FYN: variants seen among roughly 807,000 people sequenced by gnomAD.
The protein encoded by FYN is FYN proto-oncogene, Src family tyrosine kinase.
A neutral mutation model predicts 70.2 loss-of-function variants in FYN; 10 were observed. The ratio of observed to expected loss-of-function variants is 0.14; its 90% CI spans 0.09 to 0.24. The LOEUF is 0.24. Among genes scored for constraint, FYN ranks in the 10% least tolerant of loss-of-function variants. The pLI is 1.00. For synonymous variants in FYN, 236 were observed against 248.6 expected, an observed-to-expected ratio of 0.95 and a Z score of 0.48; for missense variants, 319 against 673.1, an observed-to-expected ratio of 0.47 and a Z score of 5.82.
At chr6:111,717,356 C>T (rs952022918) in intron 4 of FYN, among the ~76,000 whole-genome samples, 3 of 152,120 alleles carry the variant, frequency 2.0e-5, no homozygotes, top group Admixed American at 1.3e-4. Flanking sequence ...ATTTGTTATA[C>T]AGCAGTTGAT....
At position 111,665,853 on chromosome 6, in the gene FYN, C is replaced by T. The variant is rs369890237; in HGVS notation, c.1406-3906G>A. On this transcript the variant is annotated intron_variant, in intron 13 of 13. Coordinates refer to ENST00000354650, the MANE Select transcript of FYN (RefSeq NM_002037.5). Reference sequence around the variant, plus strand: ...GGCCAGGCTGGTCTTGAATTCTTGGCTTCAAGTGATCTGCCCACCTCGGCC... The same window carrying T: ...GGCCAGGCTGGTCTTGAATTCTTGGTTTCAAGTGATCTGCCCACCTCGGCC... Among the ~76,000 whole-genome samples the T allele has an allele frequency of 1.7e-3, 264 of 152,110 alleles. 1 individual carries two copies. Among genetic ancestry groups the T allele is most frequent in the African/African-American group, 6.0e-3 (248 of 41,514 alleles).
chr6:111,720,308 C>G (rs2128462290), intron 3 of FYN, among the ~76,000 whole-genome samples: 1 of 152,266 alleles, frequency 6.6e-6, no homozygotes, highest in East Asian at 1.9e-4. Context: ...GTTCACCATG[C>G]AGCAACTTTC....
intron 8 of FYN, among the ~76,000 whole-genome samples, chr6:111,702,017 T>C (rs1799862818): frequency 6.6e-6 from 1 of 152,196 alleles, no homozygotes; most frequent in Non-Finnish European, 1.5e-5. Context: ...TATACTATTT[T>C]TGAGTCTTGC....
intron 3 of FYN, among the ~76,000 whole-genome samples, chr6:111,724,929 T>G (rs1801126725): frequency 1.3e-5 from 2 of 152,032 alleles, no homozygotes; most frequent in African/African-American, 4.8e-5. Flanking sequence ...GCAACTGAGA[T>G]GGGGGCAGTT....
intron 2 of FYN, among the ~76,000 whole-genome samples, chr6:111,800,356 C>T (rs142532170): frequency 6.0e-4 from 91 of 152,050 alleles, no homozygotes; most frequent in African/African-American, 2.0e-3. Flanking sequence ...AGGAAGGATC[C>T]GGGGGATGGG....
Position 111,768,673 on chromosome 6 carries a change from T to C in FYN, c.-12+11893A>G, listed in dbSNP as rs1055397713. On this transcript the variant is annotated intron_variant, in intron 3 of 13. Coordinates refer to ENST00000354650, the MANE Select transcript of FYN (RefSeq NM_002037.5). Reference sequence around the variant, plus strand: ...GGTCAAGAGTCCCTGAAGCAGATGATGCTCTGCCACTATATTTTATATTTC... The same window carrying C: ...GGTCAAGAGTCCCTGAAGCAGATGACGCTCTGCCACTATATTTTATATTTC... 4.6e-5 allele frequency among the ~76,000 whole-genome samples: 7 copies of C among 152,346 alleles called. No homozygotes were observed. The South Asian group carries it at 6.2e-4, about 14-fold the overall frequency.
intron 3 of FYN, among the ~76,000 whole-genome samples, chr6:111,735,116 A>G (rs1801651798): frequency 6.6e-6 from 1 of 152,218 alleles, no homozygotes; most frequent in Admixed American, 6.5e-5. Context: ...GAGGTGTGGA[A>G]CACCATGATA....
chr6:111,873,095 G>C lies in FYN; in HGVS notation c.-250C>G, dbSNP rs1489562533. ...CCGGTGGGCCTTCCGAGAGCACCGAGGGGGCGGCGCCGGGGTGTCCCCGGC... is the reference window on the plus strand; with the variant it reads ...CCGGTGGGCCTTCCGAGAGCACCGACGGGGCGGCGCCGGGGTGTCCCCGGC... On this transcript the variant is annotated 5_prime_UTR_variant, in exon 1 of 14. Coordinates refer to ENST00000354650, the MANE Select transcript of FYN (RefSeq NM_002037.5). 4 of 147,414 alleles carry C rather than the reference G, an allele frequency of 2.7e-5. No individual in the cohort carries two copies. Among genetic ancestry groups the C allele is most frequent in the African/African-American group, 4.9e-5 (2 of 40,666 alleles). The allele number at this position is 147,414 out of a possible 1,614,324, so 9.1% of individuals were successfully genotyped here.
chr6:111,695,399 T>C (rs1020028954), intron 10 of FYN, among the ~76,000 whole-genome samples: 9 of 152,160 alleles, frequency 5.9e-5, no homozygotes, highest in Non-Finnish European at 1.2e-4. Flanking sequence ...AATGAAACAT[T>C]GGAAGCTTCA....
At chr6:111,824,921 GGT>G (rs1772784646) in intron 2 of FYN, among the ~76,000 whole-genome samples, 1 of 152,254 alleles carries the variant, frequency 6.6e-6, no homozygotes, top group South Asian at 2.1e-4. Context: ...ATTTTATTCT[GGT>G]GATTAAGGAA....
intron 13 of FYN, among the ~76,000 whole-genome samples, chr6:111,672,087 C>T (rs1030592213): frequency 9.9e-5 from 15 of 152,212 alleles, no homozygotes; most frequent in East Asian, 1.9e-4. Flanking sequence ...AAGGCCCCAA[C>T]GCAGGCTCTC....
intron 3 of FYN, among the ~76,000 whole-genome samples, chr6:111,752,240 T>C (rs1364032844): frequency 6.6e-6 from 1 of 152,196 alleles, no homozygotes; most frequent in Non-Finnish European, 1.5e-5. Context: ...ACTCCATCCA[T>C]TCCTCCATCT....
chr6:111,673,622 GTTTTTTT>G (rs71021858), intron 13 of FYN, among the ~76,000 whole-genome samples: 2 of 116,558 alleles, frequency 1.7e-5, no homozygotes, highest in Non-Finnish European at 3.4e-5. Flanking sequence ...TTCTATCATT[GTTTTTTT>G]TTTTTTTTTT....
intron 2 of FYN, chr6:111,793,778 A>G (rs1187539863): frequency 6.6e-6 from 1 of 152,160 alleles, no homozygotes; most frequent in African/African-American, 2.4e-5. Context: ...ATCCATTATC[A>G]TTAGCCATGT....
At chr6:111,786,040 G>A (rs971017234) in intron 2 of FYN, among the ~76,000 whole-genome samples, 2 of 150,396 alleles carry the variant, frequency 1.3e-5, no homozygotes, top group East Asian at 4.0e-4. Flanking sequence ...TAGTGTATAC[G>A]TGCCACATTC....
At chr6:111,800,977 TTA>T (rs1771964675) in intron 2 of FYN, among the ~76,000 whole-genome samples, 2 of 152,240 alleles carry the variant, frequency 1.3e-5, no homozygotes, top group Admixed American at 6.5e-5. Context: ...TCGTTCATAC[TTA>T]GTCACCTTAC....
chr6:111,832,787 T>C (rs1342217892), intron 2 of FYN, among the ~76,000 whole-genome samples: 3 of 152,164 alleles, frequency 2.0e-5, no homozygotes, highest in Non-Finnish European at 4.4e-5. Context: ...AAGTTTCAAA[T>C]AGACAATACT....
intron 2 of FYN, among the ~76,000 whole-genome samples, chr6:111,843,238 A>G (rs59856565): frequency 0.31 from 46,648 of 152,098 alleles, 11,699 homozygotes; most frequent in African/African-American, 0.7. Context: ...CTCTCTCCTC[A>G]GCCCTTTGAG....
intron 2 of FYN, among the ~76,000 whole-genome samples, chr6:111,809,280 G>A (rs1772249056): frequency 6.6e-6 from 1 of 152,170 alleles, no homozygotes; most frequent in Non-Finnish European, 1.5e-5. Context: ...ACTAACGTCA[G>A]TTCCACTAAC....
Sources: gnomAD v4.1 joint callset for allele counts (sites outside exome capture counted in the v4.1 genomes callset) on GRCh38, gnomAD v4.1.1 for gene constraint, MANE v1.5 for transcripts, NCBI Gene and HGNC (gene_info 2026-07-23, HGNC 2026-07-21) for gene names.